The following TEX10 variants were observed in gnomAD, a reference collection of about 807,000 sequenced individuals.
TEX10 encodes testis expressed 10, also known as testis-expressed protein 10.
Under a neutral mutation model 104.4 loss-of-function variants are expected in TEX10, and 24 were observed. That is an observed-to-expected ratio of 0.23 (90% CI 0.17 to 0.32). The LOEUF (loss-of-function observed/expected upper bound fraction) is 0.32, where lower values mean the gene tolerates loss of function less well. TEX10 is among the 10% of genes least tolerant of loss of function. TEX10 has a pLI of 1.00. For synonymous variants in TEX10, 396 were observed against 393.4 expected (o/e 1.01, Z -0.08); for missense variants, 921 against 1,083.9 (o/e 0.85, Z 2.11).
intron 11 of TEX10, among the ~76,000 whole-genome samples, chr9:100,319,457 A>C (rs181989770): frequency 6.6e-6 from 1 of 152,314 alleles, no homozygotes; most frequent in East Asian, 1.9e-4. Flanking sequence ...AGGTTTGTAA[A>C]AGGAATAAAA....
intron 10 of TEX10, among the ~76,000 whole-genome samples, chr9:100,321,072 T>C (rs943799444): frequency 1.3e-5 from 2 of 152,200 alleles, no homozygotes; most frequent in Middle Eastern, 3.2e-3. Flanking sequence ...AGCCATGTCA[T>C]AGTACTGACT....
At chr9:100,339,771 T>G (rs2118915679) in intron 5 of TEX10, among the ~76,000 whole-genome samples, 1 of 152,174 alleles carries the variant, frequency 6.6e-6, no homozygotes, top group Non-Finnish European at 1.5e-5. Flanking sequence ...ATTTCTAGGC[T>G]TACTTTTTTT....
At position 100,326,544 on chromosome 9, in the gene TEX10, G is replaced by A. The variant is rs189627817; in HGVS notation, c.1802-65C>T. On this transcript the variant is annotated intron_variant, in intron 8 of 14. Coordinates refer to ENST00000374902, the MANE Select transcript of TEX10 (RefSeq NM_017746.4). Reference sequence around the variant, plus strand: ...GACATGCAAACCAGAGATTAATAAAGCAGATCAATGACTTCCATTGAATTA... The same window carrying A: ...GACATGCAAACCAGAGATTAATAAAACAGATCAATGACTTCCATTGAATTA... 2.5e-5 allele frequency: 36 copies of A among 1,467,924 alleles called. No individual in the cohort carries two copies. In the East Asian group the frequency reaches 7.8e-4, roughly 32 times the overall value. The allele number at this position is 1,467,924 out of a possible 1,614,324, so 90.9% of individuals were successfully genotyped here. A position where few individuals can be genotyped will look rare whatever the true frequency, so the allele number is the denominator to read the frequency against.
intron 9 of TEX10, among the ~76,000 whole-genome samples, chr9:100,322,602 CATTTAT>C (rs1191594767): frequency 6.6e-6 from 1 of 151,732 alleles, no homozygotes; most frequent in Non-Finnish European, 1.5e-5. Flanking sequence ...ATAATAATTG[CATTTAT>C]ATTTATTTAT....
At position 100,350,031 on chromosome 9, in the gene TEX10, G is replaced by A. The variant is rs186650377; in HGVS notation, c.-9-659C>T. Among the ~76,000 whole-genome samples the A allele has an allele frequency of 7.2e-5, 11 of 152,092 alleles. No homozygotes were observed. In the East Asian group the frequency reaches 2.1e-3, roughly 29 times the overall value. ...AGTATTCCCCCTTGGTCCCCAAAAA[G>A]GATAAAAAGCAGCATAAAAAGAAAT... On this transcript the variant is annotated intron_variant, in intron 1 of 14. Transcript: ENST00000374902.
chr9:100,328,067 T>A, intron 7 of TEX10, 105 bp from the exon 8 acceptor site: 1 of 823,270 alleles, frequency 1.2e-6, no homozygotes, highest in Non-Finnish European at 1.7e-6. Context: ...ACAAAGTGAC[T>A]AATTATGTAT....
In TEX10 at chr9:100,347,255, T is replaced by A; in HGVS notation, c.332A>T (p.Asp111Val). The A allele has an allele frequency of 6.2e-7, 1 of 1,614,164 alleles. No homozygotes were observed. The highest frequency in any genetic ancestry group is 8.5e-7 in the Non-Finnish European group (1 of 1,180,006). Residue 111 changes from aspartate (D) to valine (V), a missense_variant, in exon 3 of 15, where the codon GAT becomes GTT. This residue lies in a region of TEX10 where 50 missense variants were observed against 104.2 expected (regional missense o/e 0.48). Coordinates refer to ENST00000374902, the MANE Select transcript of TEX10 (RefSeq NM_017746.4). Reference sequence around the variant, plus strand: ...AACTGCTGCTAATCGTACATTAGCATCTTTATCTGTAAACACAGCAGTCAC... The same window carrying A: ...AACTGCTGCTAATCGTACATTAGCAACTTTATCTGTAAACACAGCAGTCAC... ...SEVTAVFTDK[D>V]ANVRLAAVQL...
intron 5 of TEX10, among the ~76,000 whole-genome samples, chr9:100,339,492 T>G (rs368473161): frequency 9.2e-5 from 14 of 151,700 alleles, no homozygotes; most frequent in East Asian, 7.7e-4. Context: ...AAATATTTAG[T>G]GCATGAATGA....
At chr9:100,341,508 CTGGCATCATCCT>C (rs148085853) in intron 4 of TEX10, among the ~76,000 whole-genome samples, 6 of 94,480 alleles carry the variant, frequency 6.4e-5, no homozygotes, top group Non-Finnish European at 9.8e-5. Flanking sequence ...CGATGTAACA[CTGGCATCATCCT>C]TGACTCCTCT....
Position 100,347,080 on chromosome 9 carries a change from T to C in TEX10, c.507A>G (p.Glu169=), listed in dbSNP as rs1587744867. ...DSLKVLDILL[E]QYPALITGRS... is the part of the protein sequence containing the mutation. ...GGCCAGTAATTAGAGCTGGGTACTG[T>C]TCCAGCAGAATGTCCAAAACTTTTA... Residue 169 remains glutamate, a synonymous_variant, in exon 3 of 15, where the codon GAA becomes GAG. Transcript: ENST00000374902. 1 of 1,614,184 alleles carries C rather than the reference T, an allele frequency of 6.2e-7. No homozygotes were observed. The highest frequency in any genetic ancestry group is 8.5e-7 in the Non-Finnish European group (1 of 1,180,028).
Position 100,347,180 on chromosome 9 carries a change from G to A in TEX10, c.407C>T (p.Pro136Leu), listed in dbSNP as rs1436938248. ...APKIRAEQIS[P>L]FFPLVSAHLS... is the part of the protein sequence containing the mutation. ...ATGGGCACTTACCAAAGGAAAAAAT[G>A]GAGAAATTTGTTCAGCTCGTATTTT... is the stretch of plus-strand genomic sequence containing the variant. Residue 136 changes from proline to leucine, a missense_variant, in exon 3 of 15, where the codon CCA becomes CTA. Pro to Leu is a moderately conservative substitution (Grantham distance 98). Transcript: ENST00000374902. The A allele has an allele frequency of 6.2e-7, 1 of 1,613,998 alleles. No homozygotes were observed. The highest frequency in any genetic ancestry group is 8.5e-7 in the Non-Finnish European group (1 of 1,179,926).
intron 14 of TEX10, among the ~76,000 whole-genome samples, chr9:100,302,875 C>T (rs923260673): frequency 6.6e-6 from 1 of 151,932 alleles, no homozygotes. Flanking sequence ...AGTATCACTA[C>T]GAATCTCAAG....
chr9:100,312,082 C>T (rs1046246467), intron 11 of TEX10, among the ~76,000 whole-genome samples: 1 of 152,164 alleles, frequency 6.6e-6, no homozygotes, highest in African/African-American at 2.4e-5. Flanking sequence ...CATTAAGTAA[C>T]AATGAGAAAA....
intron 3 of TEX10, 118 bp downstream of exon 3, chr9:100,346,576 G>A: frequency 8.8e-7 from 1 of 1,139,360 alleles, no homozygotes; most frequent in Admixed American, 2.4e-5. Flanking sequence ...CAAATCATGA[G>A]TAACTATATG....
At chr9:100,314,907 G>T (rs1266602018) in intron 11 of TEX10, among the ~76,000 whole-genome samples, 1 of 152,004 alleles carries the variant, frequency 6.6e-6, no homozygotes. Flanking sequence ...GTTTTAGTAT[G>T]ATTTGTTTCC....
intron 5 of TEX10, among the ~76,000 whole-genome samples, chr9:100,331,403 C>T (rs1298249711): frequency 2.0e-5 from 3 of 152,218 alleles, no homozygotes; most frequent in African/African-American, 7.2e-5. Context: ...CACAACTGCA[C>T]TCCAACCTGG....
chr9:100,310,478 G>T, intron 11 of TEX10, 99 bp from the exon 12 acceptor site: 2 of 1,128,354 alleles, frequency 1.8e-6, no homozygotes, highest in Non-Finnish European at 2.6e-6. Context: ...TCACTCTGTC[G>T]CCCAGGCTGG....
At chr9:100,350,930 T>G (rs1264806353) in intron 1 of TEX10, among the ~76,000 whole-genome samples, 1 of 152,190 alleles carries the variant, frequency 6.6e-6, no homozygotes, top group African/African-American at 2.4e-5. Context: ...AGCTGTACAC[T>G]GTCCCAATTT....
In TEX10 at chr9:100,340,465, CCAT is replaced by C. The variant is rs569769632; in HGVS notation, c.1138-99_1138-97del. The C allele has an allele frequency of 1.6e-4, 112 of 701,144 alleles. 1 individual carries two copies. In the South Asian group the frequency reaches 2.2e-3, roughly 14 times the overall value. The allele number at this position is 701,144 out of a possible 1,614,324, so 43.4% of individuals were successfully genotyped here. Reference sequence around the variant, plus strand: ...AATGACAACTTGTCAAATAAATGTCCCATCATAATTCACTTTCTACCAGTAATA... The same window carrying C: ...AATGACAACTTGTCAAATAAATGTCCCATAATTCACTTTCTACCAGTAATA... On this transcript the variant is annotated intron_variant, in intron 4 of 14. Coordinates refer to ENST00000374902, the MANE Select transcript of TEX10 (RefSeq NM_017746.4).
Sources: gnomAD v4.1 joint callset for allele counts (sites outside exome capture counted in the v4.1 genomes callset) on GRCh38, gnomAD v4.1.1 for gene constraint, gnomAD v4.1.1 regional missense constraint, MANE v1.5 for transcripts, NCBI Gene and HGNC (gene_info 2026-07-23, HGNC 2026-07-21) for gene names.